RAD52: variants seen among roughly 807,000 people sequenced by gnomAD.
RAD52 encodes the protein DNA repair protein RAD52 homolog.
Under a neutral mutation model 55.5 loss-of-function variants are expected in RAD52, and 47 were observed. The ratio of observed to expected loss-of-function variants is 0.85; its 90% CI spans 0.67 to 1.08. The LOEUF (loss-of-function observed/expected upper bound fraction) is 1.08. Ranked by LOEUF, RAD52 falls within the 50% of genes least tolerant of loss-of-function variation. The pLI, the probability that RAD52 is intolerant of heterozygous loss-of-function variation, is 0.00. For synonymous variants in RAD52, 184 were observed against 198.9 expected, an observed-to-expected ratio of 0.92 and a Z score of 0.63; for missense variants, 468 against 522.8, an observed-to-expected ratio of 0.90 and a Z score of 1.02.
intron 2 of RAD52, among the ~76,000 whole-genome samples, chr12:931,746 C>G (rs986385817): frequency 1.3e-5 from 2 of 152,180 alleles, no homozygotes; most frequent in African/African-American, 4.8e-5. Context: ...AATGTTCTGC[C>G]TCCAGATCTG....
At chr12:942,454 T>C (rs1026780334) in intron 1 of RAD52, among the ~76,000 whole-genome samples, 2 of 152,066 alleles carry the variant, frequency 1.3e-5, no homozygotes, top group African/African-American at 4.8e-5. Context: ...AAACTAAAAC[T>C]ATAAAATTTA....
intron 7 of RAD52, among the ~76,000 whole-genome samples, chr12:923,045 A>G (rs1317734130): frequency 6.6e-6 from 1 of 151,788 alleles, no homozygotes; most frequent in Non-Finnish European, 1.5e-5. Context: ...TTTAGTAGAG[A>G]CAGGGTTTCA....
At chr12:964,307 C>T (rs1010730787) in intron 1 of RAD52, among the ~76,000 whole-genome samples, 4 of 152,096 alleles carry the variant, frequency 2.6e-5, no homozygotes, top group African/African-American at 9.7e-5. Context: ...GTGGCTTATG[C>T]CTGTAATCTC....
chr12:985,079 G>A (rs886683335), intron 1 of RAD52, among the ~76,000 whole-genome samples: 2 of 152,134 alleles, frequency 1.3e-5, no homozygotes, highest in African/African-American at 4.8e-5. Flanking sequence ...AAAGTGCTGG[G>A]ATTACAGGCG....
upstream of RAD52, among the ~76,000 whole-genome samples, chr12:953,295 C>G (rs546716847): frequency 6.6e-6 from 1 of 151,566 alleles, no homozygotes; most frequent in African/African-American, 2.4e-5. Context: ...CAGAGTGAGA[C>G]TCAGTCTCAA....
At chr12:916,999 T>A (rs1320253556) in intron 7 of RAD52, among the ~76,000 whole-genome samples, 179 bp from the exon 8 acceptor site, 1 of 152,216 alleles carries the variant, frequency 6.6e-6, no homozygotes, top group Non-Finnish European at 1.5e-5. Context: ...TCTGTGTTAG[T>A]GAAGTTTTGA....
At chr12:935,887 A>C (rs2154115976) in intron 1 of RAD52, among the ~76,000 whole-genome samples, 1 of 150,002 alleles carries the variant, frequency 6.7e-6, no homozygotes, top group African/African-American at 2.5e-5. Context: ...TAAATAAATA[A>C]ATAAATAAAT....
In RAD52 at chr12:913,887, C is replaced by A; in HGVS notation, c.1195+7G>T. On this transcript the variant is annotated splice_region_variant and intron_variant, in intron 11 of 11. Transcript: ENST00000358495. ...TTAATTTTTGTGCCTAAACACCTCT[C>A]TGCTACCTGTTGTGCGTTGGTCAGC... 1 of 1,612,536 alleles carries A rather than the reference C, an allele frequency of 6.2e-7. No homozygotes were observed.
Position 929,882 on chromosome 12 carries a change from A to T in RAD52, c.285T>A (p.Phe95Leu). ...AHSITQQNVDFVDLNNGKFYV... is the reference protein window; with the variant it reads ...AHSITQQNVDLVDLNNGKFYV... Reference sequence around the variant, plus strand: ...AGAACTTGCCATTGTTGAGGTCAACAAAATCTAGGAGTGGGAAAGAGAGCA... The same window carrying T: ...AGAACTTGCCATTGTTGAGGTCAACTAAATCTAGGAGTGGGAAAGAGAGCA... Residue 95 changes from phenylalanine to leucine, a missense_variant, in exon 5 of 12, where the codon TTT becomes TTA. Transcript: ENST00000358495. The T allele has an allele frequency of 3.1e-6, 5 of 1,613,662 alleles. No homozygotes were observed. Among genetic ancestry groups the T allele is most frequent in the Non-Finnish European group, 4.2e-6 (5 of 1,179,528 alleles).
upstream of RAD52, chr12:990,547 C>T (rs1959171570): frequency 6.6e-6 from 1 of 152,272 alleles, no homozygotes; most frequent in Non-Finnish European, 1.5e-5. Flanking sequence ...ACGCTCCCCG[C>T]GTCCTGGCGG....
upstream of RAD52, among the ~76,000 whole-genome samples, chr12:990,787 G>C (rs550591872): frequency 3.9e-5 from 6 of 152,230 alleles, no homozygotes; most frequent in African/African-American, 1.2e-4. Flanking sequence ...CGAGAAGTAG[G>C]GGGTGGGGCG....
intron 3 of RAD52, 108 bp downstream of exon 3, chr12:931,112 C>A: frequency 1.2e-6 from 1 of 828,640 alleles, no homozygotes; most frequent in East Asian, 2.7e-5. Flanking sequence ...CCTCCAGGAA[C>A]AGTTAACAGC....
chr12:922,203 A>AAAAC lies in RAD52; in HGVS notation c.543+3246_543+3247insGTTT, dbSNP rs575786823. On this transcript the variant is annotated intron_variant, in intron 7 of 11. Transcript: ENST00000358495. ...CATTAGGTTGGCTTAAAAAAAAAAA[A>AAAAC]AAAAAAAAAACCAAAAACTCAGAAA... 2.0e-4 allele frequency among the ~76,000 whole-genome samples: 29 copies of AAAAC among 146,706 alleles called. 1 individual carries two copies. In the South Asian group the frequency reaches 2.4e-3, roughly 12 times the overall value.
intron 1 of RAD52, among the ~76,000 whole-genome samples, chr12:956,074 C>A (rs1260244764): frequency 2.0e-5 from 3 of 152,198 alleles, no homozygotes; most frequent in Admixed American, 2.0e-4. Flanking sequence ...TTGCCTGCTA[C>A]TCCCCTTCCT....
intron 7 of RAD52, among the ~76,000 whole-genome samples, chr12:922,191 T>TAAAAAAAAAAAAA (rs79763100): frequency 1.2e-5 from 1 of 81,692 alleles, no homozygotes; most frequent in Non-Finnish European, 2.2e-5. Context: ...TAGGTTGGCT[T>TAAAAAAAAAAAAA]AAAAAAAAAA....
At chr12:961,309 C>CGAAAAAAAAAAAAAAAAA (rs1958680676) in intron 1 of RAD52, among the ~76,000 whole-genome samples, 1 of 33,810 alleles carries the variant, frequency 3.0e-5, no homozygotes, top group Non-Finnish European at 5.7e-5. Flanking sequence ...GACTCCATCT[C>CGAAAAAAAAAAAAAAAAA]AAAAAAAAAA....
At chr12:988,238 T>C (rs559023269) in intron 1 of RAD52, among the ~76,000 whole-genome samples, 5 of 152,368 alleles carry the variant, frequency 3.3e-5, no homozygotes, top group Admixed American at 1.3e-4. Context: ...AATATTTTAA[T>C]TGAATTTATA....
intron 1 of RAD52, among the ~76,000 whole-genome samples, chr12:969,909 C>G (rs1395596369): frequency 6.6e-6 from 1 of 151,942 alleles, no homozygotes; most frequent in Non-Finnish European, 1.5e-5. Context: ...TCCATATATA[C>G]TGGTGATAAC....
At chr12:938,083 C>T (rs1490111308) in intron 1 of RAD52, among the ~76,000 whole-genome samples, 2 of 152,114 alleles carry the variant, frequency 1.3e-5, no homozygotes, top group Non-Finnish European at 2.9e-5. Flanking sequence ...GGACTAATCT[C>T]CAAATAAACT....
Sources: allele counts gnomAD v4.1 joint callset (sites outside exome capture counted in the v4.1 genomes callset), GRCh38; gene constraint gnomAD v4.1.1; transcripts MANE v1.5; gene names NCBI Gene and HGNC (gene_info 2026-07-23, HGNC 2026-07-21).